Variants in OGG1 observed in about 807,000 individuals in gnomAD.
OGG1 encodes the protein N-glycosylase/DNA lyase.
In OGG1, 35 loss-of-function variants were observed where a neutral mutation model predicts 42.3. The ratio of observed to expected loss-of-function variants is 0.83; its 90% CI spans 0.63 to 1.10. The LOEUF is 1.10. Among genes scored for constraint, OGG1 ranks in the 50% least tolerant of loss-of-function variants. The pLI is 0.00. For synonymous variants in OGG1, 189 were observed against 179.0 expected (o/e 1.06, Z -0.44); for missense variants, 484 against 446.7 (o/e 1.08, Z -0.75).
intron 3 of OGG1, chr3:9,783,709 C>T (rs971924597): frequency 5.8e-5 from 12 of 205,770 alleles, no homozygotes; most frequent in South Asian, 2.1e-4. Flanking sequence ...ACCTGGGAGG[C>T]GGAGCTTGCA....
Position 9,757,079 on chromosome 3 carries a change from C to A in OGG1, c.967C>A (p.Leu323Met). 6.2e-7 allele frequency: 1 copy of A among 1,614,112 alleles called. No individual in the cohort carries two copies. Residue 323 changes from leucine (L) to methionine (M), a missense_variant, in exon 7 of 7, where the codon CTG becomes ATG. Coordinates refer to ENST00000344629, the MANE Select transcript of OGG1 (RefSeq NM_002542.6). The surrounding 1 kb of genome is among the most constrained non-coding windows in gnomAD (Gnocchi z 4.5). ...WAQAVLFSAD[L>M]RQSRHAQEPP... ...CCTACAGGTGCTGTTCAGTGCCGAC[C>A]TGCGCCAATCCCGCCATGCTCAGGA... is the stretch of plus-strand genomic sequence containing the variant.
intron 2 of OGG1, among the ~76,000 whole-genome samples, chr3:9,775,611 T>C (rs922699706): frequency 6.6e-6 from 1 of 152,056 alleles, no homozygotes; most frequent in African/African-American, 2.4e-5. Flanking sequence ...AGGCATGTTA[T>C]ATATAATGTA....
chr3:9,750,251 A>G lies in OGG1; in HGVS notation c.-36A>G, dbSNP rs2125525838. ...GCGTCGACGAGGCCTGGTTCTGGGT[A>G]GGCGGGGCTACTACGGGGCGGTGCC... On this transcript the variant is annotated 5_prime_UTR_variant, in exon 1 of 7. Transcript: ENST00000344629. The G allele has an allele frequency of 6.3e-7, 1 of 1,594,484 alleles. No individual in the cohort carries two copies. Among genetic ancestry groups the G allele is most frequent in the Non-Finnish European group, 8.5e-7 (1 of 1,170,192 alleles).
chr3:9,783,744 C>G (rs2078536797), intron 3 of OGG1: 1 of 328,372 alleles, frequency 3.0e-6, no homozygotes, highest in South Asian at 5.3e-5. Context: ...TGCCACTGCA[C>G]TCCAGCCTGG....
At chr3:9,780,574 CCAGGG>C (rs750018326) in intron 2 of OGG1, 1 of 1,588,394 alleles carries the variant, frequency 6.3e-7, no homozygotes, top group Non-Finnish European at 8.5e-7. Flanking sequence ...CAGCCAGGTG[CCAGGG>C]TCAGCCCACC....
At chr3:9,767,491 C>T (rs2078186364), downstream of OGG1, among the ~76,000 whole-genome samples, 1 of 152,212 alleles carries the variant, frequency 6.6e-6, no homozygotes, top group Non-Finnish European at 1.5e-5. Context: ...GGAGAGCAGC[C>T]CGTGTCCCAC....
intron 2 of OGG1, among the ~76,000 whole-genome samples, chr3:9,776,028 C>T (rs1440800196): frequency 6.6e-6 from 1 of 152,166 alleles, no homozygotes; most frequent in African/African-American, 2.4e-5. Context: ...GCTGGCAGTC[C>T]AGGGACCACA....
downstream of OGG1, among the ~76,000 whole-genome samples, chr3:9,767,000 C>T (rs923903363): frequency 6.6e-6 from 1 of 152,144 alleles, no homozygotes; most frequent in Non-Finnish European, 1.5e-5. Context: ...ACTCTCCCCC[C>T]AGCCTGTGAT....
intron 3 of OGG1, chr3:9,787,422 A>T: frequency 6.6e-7 from 1 of 1,514,196 alleles, no homozygotes; most frequent in East Asian, 2.3e-5. Context: ...TACCTATCTT[A>T]TATCTCTCTC....
intron 2 of OGG1, chr3:9,780,527 G>A (rs755334555): frequency 1.2e-6 from 2 of 1,604,578 alleles, no homozygotes; most frequent in Non-Finnish European, 1.7e-6. Flanking sequence ...AGCTCCTGCC[G>A]GCTCACCTCC....
intron 3 of OGG1, chr3:9,752,152 T>A: frequency 4.9e-6 from 3 of 608,928 alleles, no homozygotes; most frequent in Non-Finnish European, 8.7e-6. Context: ...CTGTGCTTTT[T>A]GCCCAATGGG....
chr3:9,778,730 T>A (rs2078397178), intron 2 of OGG1, among the ~76,000 whole-genome samples: 1 of 152,110 alleles, frequency 6.6e-6, no homozygotes, highest in African/African-American at 2.4e-5. Context: ...CCAGCTTGGG[T>A]TACATGCCTG....
chr3:9,766,231 T>G (rs1378749795), exon 8 of OGG1: 1 of 721,334 alleles, frequency 1.4e-6, no homozygotes, highest in East Asian at 2.7e-5. Flanking sequence ...GGAATGAAAT[T>G]AACACAAAGG....
chr3:9,762,836 C>T (rs2077949164), intron 7 of OGG1: 3 of 1,479,724 alleles, frequency 2.0e-6, no homozygotes, highest in African/African-American at 2.8e-5. Context: ...GTGAAAGTTG[C>T]CCAAGGTCAG....
chr3:9,756,638 G>T lies in OGG1; in HGVS notation c.898+17G>T. 3 of 1,612,378 alleles carry T rather than the reference G, an allele frequency of 1.9e-6. No individual in the cohort carries two copies. The highest frequency in any genetic ancestry group is 2.2e-5 in the East Asian group (1 of 44,832). On this transcript the variant is annotated intron_variant, in intron 5 of 6. Transcript: ENST00000344629. Reference sequence around the variant, plus strand: ...AGGAACTGGGTGAGGAAAGTGGGCTGCAGGGGCTGGCAGTGGGCTGGGATG... The same window carrying T: ...AGGAACTGGGTGAGGAAAGTGGGCTTCAGGGGCTGGCAGTGGGCTGGGATG...
At chr3:9,752,424 G>T (rs1031977018) in intron 3 of OGG1, among the ~76,000 whole-genome samples, 1 of 149,542 alleles carries the variant, frequency 6.7e-6, no homozygotes, top group African/African-American at 2.5e-5. Context: ...CACACAGGAA[G>T]TATATGTAAA....
exon 8 of OGG1, chr3:9,766,342 G>A: frequency 1.5e-6 from 1 of 678,514 alleles, no homozygotes; most frequent in Non-Finnish European, 2.7e-6. Flanking sequence ...TTTGGATTAT[G>A]TGTACAGTTG....
At chr3:9,786,908 C>A in intron 3 of OGG1, 1 of 1,172,504 alleles carries the variant, frequency 8.5e-7, no homozygotes. Context: ...TATTTTTGCA[C>A]CAACCTAATA....
intron 3 of OGG1, 151 bp downstream of exon 3, chr3:9,752,100 C>T (rs2077329507): frequency 2.8e-6 from 2 of 706,690 alleles, no homozygotes; most frequent in Admixed American, 2.2e-5. Flanking sequence ...TCCAGTTACT[C>T]ATCCTCCCTA....
Sources: gnomAD v4.1 joint callset for allele counts (sites outside exome capture counted in the v4.1 genomes callset) on GRCh38, gnomAD v4.1.1 for gene constraint, Gnocchi (gnomAD v3.1) non-coding constraint, MANE v1.5 for transcripts, NCBI Gene and HGNC (gene_info 2026-07-23, HGNC 2026-07-21) for gene names.